DOCK1: variants seen among roughly 807,000 people sequenced by gnomAD.
DOCK1 encodes dedicator of cytokinesis 1, also known as dedicator of cytokinesis protein 1.
In DOCK1, 138 loss-of-function variants were observed where a neutral mutation model predicts 262.7. That is an observed-to-expected ratio of 0.53 (90% CI 0.46 to 0.61). The LOEUF is 0.61. Among genes scored for constraint, DOCK1 ranks in the 20% least tolerant of loss-of-function variants. DOCK1 has a pLI of 0.00. For missense variants in DOCK1, 1,908 were observed against 2,370.7 expected, an observed-to-expected ratio of 0.80 and a Z score of 4.05; for synonymous variants, 866 against 867.4, an observed-to-expected ratio of 1.00 and a Z score of 0.03.
intron 29 of DOCK1, among the ~76,000 whole-genome samples, chr10:127,294,247 C>T (rs1045405887): frequency 6.6e-6 from 1 of 152,172 alleles, no homozygotes; most frequent in Non-Finnish European, 1.5e-5. Flanking sequence ...TTCCTTTTCT[C>T]CCAGAGACCA....
chr10:127,419,966 C>G (rs543233488), intron 46 of DOCK1, among the ~76,000 whole-genome samples: 90 of 152,320 alleles, frequency 5.9e-4, no homozygotes, highest in African/African-American at 2.1e-3. Context: ...TTATCTCTTG[C>G]AAATGAACAA....
At chr10:127,271,319 A>C (rs1047492270) in intron 29 of DOCK1, among the ~76,000 whole-genome samples, 39 of 152,200 alleles carry the variant, frequency 2.6e-4, no homozygotes, top group Admixed American at 1.4e-3. Context: ...CCAAACATGC[A>C]ATTCCACCAT....
chr10:127,410,929 A>G lies in DOCK1; in HGVS notation c.4428+5A>G. On this transcript the variant is annotated splice_donor_5th_base_variant and intron_variant, in intron 43 of 51. Transcript: ENST00000623213. The stretch of plus-strand genomic sequence containing the variant: ...AACCCAGACAATGAATTTGCGGTAA[A>G]AAACAAACAAACCACCAAACCAAAC... 1 of 1,612,268 alleles carries G rather than the reference A, an allele frequency of 6.2e-7. No homozygotes were observed. The highest frequency in any genetic ancestry group is 8.5e-7 in the Non-Finnish European group (1 of 1,179,282).
chr10:126,998,227 C>A lies in DOCK1; in HGVS notation c.745C>A (p.Pro249Thr), dbSNP rs758120817. The change falls in exon 8 of 52, where the codon CCT becomes ACT. Residue 249 changes from proline to threonine, a missense_variant. By Grantham distance (38) the Pro-to-Thr change is conservative. Transcript: ENST00000623213. ...TGAAGTCCTCATGTCTCTATATGAC[C>A]CTGTGGAGTCCAAATTCATCAGGTG... ...DAEVLMSLYD[P>T]VESKFISENY... The A allele has an allele frequency of 1.2e-6, 2 of 1,613,456 alleles. No individual in the cohort carries two copies. Among genetic ancestry groups the A allele is most frequent in the African/African-American group, 2.7e-5 (2 of 74,876 alleles).
At chr10:127,141,639 C>T (rs189232544) in intron 27 of DOCK1, among the ~76,000 whole-genome samples, 4 of 151,954 alleles carry the variant, frequency 2.6e-5, no homozygotes, top group Non-Finnish European at 5.9e-5. Context: ...CCACTGCACT[C>T]CACCCTGGGT....
intron 29 of DOCK1, among the ~76,000 whole-genome samples, chr10:127,314,756 A>C (rs1301296520): frequency 1.3e-5 from 2 of 152,206 alleles, no homozygotes; most frequent in Admixed American, 6.5e-5. Context: ...TGTTGGAAAG[A>C]ACCCTGTCTG....
At chr10:127,138,279 T>G (rs1203748310) in intron 27 of DOCK1, among the ~76,000 whole-genome samples, 1 of 152,204 alleles carries the variant, frequency 6.6e-6, no homozygotes, top group Non-Finnish European at 1.5e-5. Flanking sequence ...AGTTGGTGTA[T>G]GTATTTGTGG....
intron 27 of DOCK1, among the ~76,000 whole-genome samples, chr10:127,236,029 A>G (rs72836422): frequency 0.05 from 7,593 of 152,150 alleles, 275 homozygotes; most frequent in Non-Finnish European, 0.065. Context: ...TTTGTCAGAT[A>G]GGTGTTTTTA....
At chr10:127,343,197 A>G (rs564741679) in intron 30 of DOCK1, among the ~76,000 whole-genome samples, 6 of 152,336 alleles carry the variant, frequency 3.9e-5, no homozygotes, top group Non-Finnish European at 8.8e-5. Context: ...GTGAGCCAAG[A>G]TCATGCCACT....
At chr10:126,940,177 G>A (rs1303654614) in intron 1 of DOCK1, among the ~76,000 whole-genome samples, 4 of 152,150 alleles carry the variant, frequency 2.6e-5, no homozygotes, top group East Asian at 3.9e-4. Flanking sequence ...AATTAATCAC[G>A]GTTTACAGGG....
At chr10:127,265,262 G>A (rs575774276) in intron 29 of DOCK1, among the ~76,000 whole-genome samples, 1 of 152,240 alleles carries the variant, frequency 6.6e-6, no homozygotes, top group East Asian at 1.9e-4. Context: ...CTATTGTTTG[G>A]TTTTGTTCTA....
chr10:127,295,419 C>T (rs916306262), intron 29 of DOCK1, among the ~76,000 whole-genome samples: 1 of 152,124 alleles, frequency 6.6e-6, no homozygotes, highest in African/African-American at 2.4e-5. Flanking sequence ...ACTCCCATGA[C>T]CCAAACACCT....
intron 27 of DOCK1, among the ~76,000 whole-genome samples, chr10:127,223,932 G>A (rs2058537432): frequency 6.6e-6 from 1 of 152,170 alleles, no homozygotes; most frequent in Admixed American, 6.5e-5. Context: ...GGGAAAGGAT[G>A]CTGAGCTGTG....
chr10:127,292,884 C>T (rs1376119630), intron 29 of DOCK1, among the ~76,000 whole-genome samples: 1 of 152,072 alleles, frequency 6.6e-6, no homozygotes, highest in African/African-American at 2.4e-5. Flanking sequence ...CATGTCCTGT[C>T]TCCTGATCAC....
At chr10:127,340,785 T>C (rs2063393358) in intron 30 of DOCK1, among the ~76,000 whole-genome samples, 1 of 152,204 alleles carries the variant, frequency 6.6e-6, no homozygotes, top group Admixed American at 6.5e-5. Flanking sequence ...ATTTTTCTGA[T>C]GATTATTTAG....
At chr10:126,960,738 A>G (rs1051829521) in intron 1 of DOCK1, among the ~76,000 whole-genome samples, 4 of 137,502 alleles carry the variant, frequency 2.9e-5, no homozygotes, top group African/African-American at 6.1e-5. Flanking sequence ...ATATATATAT[A>G]TATATATACA....
intron 16 of DOCK1, among the ~76,000 whole-genome samples, chr10:127,029,030 A>G (rs1386140633): frequency 2.0e-5 from 3 of 152,266 alleles, no homozygotes; most frequent in Non-Finnish European, 4.4e-5. Context: ...TTAATAAATT[A>G]CACTAGGGCA....
chr10:127,253,100 T>C (rs2059709207), intron 28 of DOCK1, among the ~76,000 whole-genome samples: 1 of 152,132 alleles, frequency 6.6e-6, no homozygotes, highest in Non-Finnish European at 1.5e-5. Context: ...ATCCCAACCC[T>C]TTTGGATTCG....
rs937190992 is a variant in DOCK1, at chr10:126,961,216, A to G, written c.47-9486A>G. 7.2e-5 allele frequency among the ~76,000 whole-genome samples: 11 copies of G among 152,344 alleles called. No homozygotes were observed. The East Asian group carries it at 1.9e-3, about 27-fold the overall frequency. The stretch of plus-strand genomic sequence containing the variant: ...CTCAGGGGATTCTACTGGCAGAGCC[A>G]CAATCTTTCTGTTCCTAAGAAAGAT... On this transcript the variant is annotated intron_variant, in intron 1 of 51. Transcript: ENST00000623213.
Sources: gnomAD v4.1 joint callset for allele counts (sites outside exome capture counted in the v4.1 genomes callset) on GRCh38, gnomAD v4.1.1 for gene constraint, MANE v1.5 for transcripts, NCBI Gene and HGNC (gene_info 2026-07-23, HGNC 2026-07-21) for gene names.